Variants in RPH3AL observed in about 807,000 individuals in gnomAD.
RPH3AL encodes rabphilin 3A like (without C2 domains).
In RPH3AL, 38 loss-of-function variants were observed where a neutral mutation model predicts 43.1. That is an observed-to-expected ratio of 0.88 (90% CI 0.68 to 1.15). RPH3AL has a LOEUF of 1.15. RPH3AL is among the 50% of genes most tolerant of loss of function. RPH3AL has a pLI of 0.00. For synonymous variants in RPH3AL, 189 were observed against 176.3 expected, an observed-to-expected ratio of 1.07 and a Z score of -0.57; for missense variants, 462 against 423.2, an observed-to-expected ratio of 1.09 and a Z score of -0.81.
In RPH3AL at chr17:246,876, C is replaced by T. The variant is rs1001038743; in HGVS notation, c.613+235G>A. On this transcript the variant is annotated intron_variant, in intron 7 of 9. Transcript: ENST00000331302. This position sits in a 1 kb window ranked among gnomAD's most constrained non-coding sequence, Gnocchi z 4.8. ...AGAGCAGTACTTGTATGTGATACTGCCCCCCGTGGGCCCTCCCGCCGCACT... is the reference window on the plus strand; with the variant it reads ...AGAGCAGTACTTGTATGTGATACTGTCCCCCGTGGGCCCTCCCGCCGCACT... 1.3e-5 allele frequency among the ~76,000 whole-genome samples: 2 copies of T among 152,226 alleles called. No homozygotes were observed. Among genetic ancestry groups the T allele is most frequent in the Admixed American group, 6.5e-5 (1 of 15,288 alleles).
chr17:259,405 G>A (rs531876057), intron 6 of RPH3AL, among the ~76,000 whole-genome samples: 2 of 152,250 alleles, frequency 1.3e-5, no homozygotes, highest in Admixed American at 6.5e-5. Context: ...CTGGCTGCCC[G>A]CCCCACTCTG....
At chr17:312,707 C>T (rs999231310) in intron 5 of RPH3AL, among the ~76,000 whole-genome samples, 4 of 152,222 alleles carry the variant, frequency 2.6e-5, no homozygotes, top group African/African-American at 9.6e-5. Context: ...TGCACTATTG[C>T]ATCCATCAAC....
chr17:321,962 C>G (rs1369719186), intron 3 of RPH3AL, among the ~76,000 whole-genome samples: 1 of 152,142 alleles, frequency 6.6e-6, no homozygotes, highest in South Asian at 2.1e-4. Context: ...AAAGGGAGCT[C>G]GGAGCTCCGT....
At chr17:325,156 C>T (rs1176089984) in intron 3 of RPH3AL, among the ~76,000 whole-genome samples, 5 of 152,188 alleles carry the variant, frequency 3.3e-5, no homozygotes, top group Non-Finnish European at 2.9e-5. Flanking sequence ...CCACCGCGAC[C>T]GGCCTATTCT....
At chr17:243,300 CCTTTCCTCTACTGATTA>C (rs2041628560) in intron 7 of RPH3AL, among the ~76,000 whole-genome samples, 1 of 145,136 alleles carries the variant, frequency 6.9e-6, no homozygotes, top group Non-Finnish European at 1.5e-5. Context: ...CTATTGATTA[CCTTTCCTCTACTGATTA>C]CCTTCCTCTA....
At chr17:259,716 T>C (rs2042154596) in intron 6 of RPH3AL, among the ~76,000 whole-genome samples, 1 of 152,198 alleles carries the variant, frequency 6.6e-6, no homozygotes, top group African/African-American at 2.4e-5. Context: ...GCCGTGGCGG[T>C]GGCCGGGGTG....
intron 6 of RPH3AL, among the ~76,000 whole-genome samples, chr17:251,102 G>A (rs7405713): frequency 0.35 from 53,606 of 152,082 alleles, 9,749 homozygotes; most frequent in African/African-American, 0.37. Flanking sequence ...TGCCAGGCAC[G>A]GACTGCCACG....
At chr17:213,985 G>T in intron 9 of RPH3AL, 62 bp from the exon 10 acceptor site, 1 of 1,290,964 alleles carries the variant, frequency 7.7e-7, no homozygotes, top group South Asian at 1.3e-5. Context: ...CCTCCCCGGT[G>T]ACAGCTCGGC....
intron 6 of RPH3AL, among the ~76,000 whole-genome samples, chr17:269,399 C>T (rs879578121): frequency 1.3e-5 from 2 of 152,202 alleles, no homozygotes; most frequent in Non-Finnish European, 2.9e-5. Flanking sequence ...GCCCTGGCCC[C>T]CTTGCTGGAA....
Position 219,642 on chromosome 17 carries a change from G to T in RPH3AL, c.708C>A (p.Asp236Glu). 1 of 1,577,342 alleles carries T rather than the reference G, an allele frequency of 6.3e-7. No individual in the cohort carries two copies. Among genetic ancestry groups the T allele is most frequent in the Non-Finnish European group, 8.6e-7 (1 of 1,160,382 alleles). ...CCTTACCTGACTCCTTCCAGGGTTT[G>T]TCGCCTTTCCGGTCCCTGACCCCAG... ...PSTGVRDRKG[D>E]KPWKESGGSV... Residue 236 changes from aspartate (D) to glutamate (E), a missense_variant, in exon 8 of 10, where the codon GAC (aspartate) becomes GAA (glutamate). Physicochemically the swap from Asp to Glu is conservative, Grantham distance 45 (BLOSUM62 2). Transcript: ENST00000331302.
At chr17:228,482 T>C (rs1336698287) in intron 7 of RPH3AL, among the ~76,000 whole-genome samples, 3 of 152,098 alleles carry the variant, frequency 2.0e-5, no homozygotes. Context: ...AGGCAAGAGC[T>C]GTTACATTTC....
chr17:337,018 C>T (rs1175106457), intron 1 of RPH3AL, among the ~76,000 whole-genome samples: 1 of 152,192 alleles, frequency 6.6e-6, no homozygotes, highest in Non-Finnish European at 1.5e-5. Flanking sequence ...TACCTGTTAC[C>T]CCGATGCCCA....
At position 219,769 on chromosome 17, in the gene RPH3AL, C is replaced by A. The variant is rs768280313; in HGVS notation, c.614-33G>T. On this transcript the variant is annotated intron_variant, in intron 7 of 9. Coordinates refer to ENST00000331302, the MANE Select transcript of RPH3AL (RefSeq NM_006987.4). ...AGACAGACCACAGCACAGGAGGTCA[C>A]CCGACCAGCCCCTACCTGCAGGCAT... 4 of 1,507,008 alleles carry A rather than the reference C, an allele frequency of 2.7e-6. No individual in the cohort carries two copies. The East Asian group carries it at 6.8e-5, about 26-fold the overall frequency. 93.4% of individuals were successfully genotyped at this position (1,507,008 alleles called of 1,614,324 possible).
At chr17:320,528 C>T (rs1222063914) in intron 4 of RPH3AL, among the ~76,000 whole-genome samples, 1 of 152,008 alleles carries the variant, frequency 6.6e-6, no homozygotes, top group Non-Finnish European at 1.5e-5. Flanking sequence ...ACGGTCCTAG[C>T]TACTTAAGGC....
At chr17:344,007 TCAC>T (rs1352137749) in intron 1 of RPH3AL, among the ~76,000 whole-genome samples, 5 of 53,256 alleles carry the variant, frequency 9.4e-5, no homozygotes, top group African/African-American at 2.1e-4. Flanking sequence ...ATCTCTGTCA[TCAC>T]CACCATCATC....
At chr17:329,979 T>C (rs916233894) in intron 2 of RPH3AL, among the ~76,000 whole-genome samples, 1 of 152,254 alleles carries the variant, frequency 6.6e-6, no homozygotes, top group Non-Finnish European at 1.5e-5. Context: ...TTTCTGTACA[T>C]TTGTGACAGG....
intron 5 of RPH3AL, among the ~76,000 whole-genome samples, chr17:310,888 G>A (rs375401755): frequency 5.9e-5 from 9 of 152,246 alleles, no homozygotes; most frequent in Middle Eastern, 3.4e-3. Context: ...CCAGCGACTC[G>A]GGTTCTAGGC....
chr17:340,679 T>C (rs1482625018), intron 1 of RPH3AL, among the ~76,000 whole-genome samples: 1 of 109,998 alleles, frequency 9.1e-6, no homozygotes. Context: ...CCTCCCCACG[T>C]CCACACTCAC....
chr17:217,382 A>G (rs2040834800), intron 8 of RPH3AL, among the ~76,000 whole-genome samples: 2 of 72,700 alleles, frequency 2.8e-5, no homozygotes, highest in Non-Finnish European at 4.1e-5. Context: ...CAGGACCCCC[A>G]AGGCATTTCG....
Sources: allele counts gnomAD v4.1 joint callset (sites outside exome capture counted in the v4.1 genomes callset), GRCh38; gene constraint gnomAD v4.1.1; non-coding constraint Gnocchi (gnomAD v3.1); transcripts MANE v1.5; gene names NCBI Gene and HGNC (gene_info 2026-07-23, HGNC 2026-07-21).